Variants in GLT8D2 observed in about 807,000 individuals in gnomAD.
The protein encoded by GLT8D2 is glycosyltransferase 8 domain-containing protein 2.
In GLT8D2, 45 loss-of-function variants were observed where a neutral mutation model predicts 44.5. The ratio of observed to expected loss-of-function variants is 1.01; its 90% confidence interval spans 0.80 to 1.30. GLT8D2 has a LOEUF of 1.30. Ranked by LOEUF, GLT8D2 falls within the 50% of genes most tolerant of loss-of-function variation. GLT8D2 has a pLI of 0.00. For synonymous variants in GLT8D2, 156 were observed against 157.2 expected, an observed-to-expected ratio of 0.99 and a Z score of 0.06; for missense variants, 400 against 430.4, an observed-to-expected ratio of 0.93 and a Z score of 0.62.
intron 1 of GLT8D2, chr12:104,031,100 T>G (rs2930855): frequency 0.65 from 451,582 of 699,854 alleles, 210,342 homozygotes; most frequent in East Asian, 1. Context: ...TGCAAAGCAT[T>G]GTGAGGCCCA....
At chr12:104,024,121 C>T (rs1566203832) in intron 1 of GLT8D2, among the ~76,000 whole-genome samples, 1 of 152,162 alleles carries the variant, frequency 6.6e-6, no homozygotes, top group Non-Finnish European at 1.5e-5. Flanking sequence ...GTGGCTCATG[C>T]CTATAATCCC....
At chr12:104,028,881 T>C (rs1265112778) in intron 1 of GLT8D2, among the ~76,000 whole-genome samples, 4 of 151,940 alleles carry the variant, frequency 2.6e-5, no homozygotes, top group African/African-American at 9.7e-5. Flanking sequence ...ATCCAAATCA[T>C]GGATCATTCT....
At chr12:104,017,094 G>T (rs1876976395) in intron 3 of GLT8D2, among the ~76,000 whole-genome samples, 2 of 152,108 alleles carry the variant, frequency 1.3e-5, no homozygotes, top group Non-Finnish European at 2.9e-5. Flanking sequence ...GGAAGTTCAT[G>T]TTCATAGCAT....
Position 104,016,874 on chromosome 12 carries a change from GAAAGAAAGAAAAAT to G in GLT8D2, c.20-1783_20-1770del, listed in dbSNP as rs1566199943. ...AGAAAGAAAGAAAGAAAGAAAGAAA[GAAAGAAAGAAAAAT>G]AAAGAGAGAAAGAAAGAAAGGAAGA... On this transcript the variant is annotated intron_variant, in intron 3 of 10. Coordinates refer to ENST00000360814, the MANE Select transcript of GLT8D2 (RefSeq NM_001384711.1). 6.8e-3 allele frequency among the ~76,000 whole-genome samples: 999 copies of G among 147,254 alleles called. 13 individuals carry two copies. The highest frequency in any genetic ancestry group is 0.01 in the Middle Eastern group (3 of 286).
At chr12:104,054,128 A>G (rs7132831), upstream of GLT8D2, among the ~76,000 whole-genome samples, 39,913 of 151,886 alleles carry the variant, frequency 0.26, 6,325 homozygotes, top group Non-Finnish European at 0.34. Context: ...TGCTCATCTG[A>G]TAACTGAAAG....
intron 1 of GLT8D2, among the ~76,000 whole-genome samples, chr12:104,058,798 G>C (rs1882393235): frequency 6.6e-6 from 1 of 152,190 alleles, no homozygotes. Flanking sequence ...TGCCTAAAAA[G>C]TCTAGAGCAG....
rs1349803810 is a variant in GLT8D2, at chr12:103,993,523, A to G, written c.768-19T>C. On this transcript the variant is annotated intron_variant, in intron 9 of 10. Coordinates refer to ENST00000360814, the MANE Select transcript of GLT8D2 (RefSeq NM_001384711.1). ...GTTTTCCCTAAGAAATGAAATAGAA[A>G]AACAACATTTGGCCTGGAGCCCCCA... 1 of 1,521,666 alleles carries G rather than the reference A, an allele frequency of 6.6e-7. No homozygotes were observed. Among genetic ancestry groups the G allele is most frequent in the Non-Finnish European group, 8.9e-7 (1 of 1,128,082 alleles). 94.3% of individuals were successfully genotyped at this position (1,521,666 alleles called of 1,614,324 possible). A position where few individuals can be genotyped will look rare whatever the true frequency, so the allele number is the denominator to read the frequency against.
chr12:104,063,875 C>A (rs1199361336), intron 1 of GLT8D2: 1 of 152,350 alleles, frequency 6.6e-6, no homozygotes, highest in Non-Finnish European at 1.5e-5. Context: ...ACAGCCCTCA[C>A]TTGTTAGCTA....
At chr12:104,023,922 A>G (rs1274262316) in intron 1 of GLT8D2, among the ~76,000 whole-genome samples, 1 of 152,170 alleles carries the variant, frequency 6.6e-6, no homozygotes, top group East Asian at 1.9e-4. Flanking sequence ...ACCACAGTTT[A>G]TCCATTCACC....
intron 1 of GLT8D2, among the ~76,000 whole-genome samples, chr12:104,044,468 G>C (rs1218059900): frequency 6.6e-6 from 1 of 152,236 alleles, no homozygotes; most frequent in Non-Finnish European, 1.5e-5. Flanking sequence ...CCAAAGGGAT[G>C]AATGTGCAAC....
intron 4 of GLT8D2, among the ~76,000 whole-genome samples, chr12:104,006,382 GATAA>G (rs966036739): frequency 2.6e-5 from 4 of 151,962 alleles, no homozygotes; most frequent in Admixed American, 6.6e-5. Flanking sequence ...ATAATAAATA[GATAA>G]ATAAATAAAT....
At chr12:104,029,006 C>T (rs542500668) in intron 1 of GLT8D2, among the ~76,000 whole-genome samples, 1 of 151,926 alleles carries the variant, frequency 6.6e-6, no homozygotes, top group Admixed American at 6.6e-5. Flanking sequence ...AAAGTGTGAA[C>T]CTTGGCTGGG....
At chr12:103,990,071 G>C (rs894017881) in intron 10 of GLT8D2, among the ~76,000 whole-genome samples, 3 of 133,848 alleles carry the variant, frequency 2.2e-5, no homozygotes, top group Admixed American at 8.0e-5. Flanking sequence ...TCTAGTGTAT[G>C]TGTACAAATA....
At chr12:104,064,361 C>A, upstream of GLT8D2, 1 of 466,632 alleles carries the variant, frequency 2.1e-6, no homozygotes, top group Non-Finnish European at 3.6e-6. The surrounding 1 kb of genome is among the most constrained non-coding windows in gnomAD (Gnocchi z 7.3). Flanking sequence ...GGCCAAGTCG[C>A]CTGGGGTGGG....
rs4015358 is a variant in GLT8D2 at position 104,031,589 on chromosome 12, A to G, written c.-163-10098T>C. ...GTCCCCAGGAGCACCCTCCCTGCCCATCTTGTCCCTCTGCCCCTCCCACCT... is the reference window on the plus strand; with the variant it reads ...GTCCCCAGGAGCACCCTCCCTGCCCGTCTTGTCCCTCTGCCCCTCCCACCT... On this transcript the variant is annotated intron_variant, in intron 1 of 10. Coordinates refer to ENST00000360814, the MANE Select transcript of GLT8D2 (RefSeq NM_001384711.1). 1.3e-5 allele frequency: 21 copies of G among 1,607,376 alleles called. No individual in the cohort carries two copies. In the African/African-American group the frequency reaches 1.3e-4, roughly 10 times the overall value.
intron 4 of GLT8D2, among the ~76,000 whole-genome samples, chr12:104,007,233 G>GCTCTCTCTCTCTCTCTCTCTCTCTCTCT (rs57109528): frequency 2.7e-4 from 18 of 66,354 alleles, no homozygotes; most frequent in South Asian, 1.9e-3. Context: ...TATACTTAAA[G>GCTCTCTCTCTCTCTCTCTCTCTCTCTCT]CTCTCTCTCT....
At chr12:104,000,564 G>C (rs561690562) in intron 5 of GLT8D2, among the ~76,000 whole-genome samples, 8 of 152,110 alleles carry the variant, frequency 5.3e-5, no homozygotes, top group Admixed American at 4.6e-4. Context: ...TATGTAAAAG[G>C]GGGCAGGGAG....
Position 104,030,847 on chromosome 12 carries a change from C to G in GLT8D2, c.-163-9356G>C, listed in dbSNP as rs375062071. 2.5e-6 allele frequency: 4 copies of G among 1,583,594 alleles called. No homozygotes were observed. The Admixed American group carries it at 6.8e-5, about 27-fold the overall frequency. On this transcript the variant is annotated intron_variant, in intron 1 of 10. Coordinates refer to ENST00000360814, the MANE Select transcript of GLT8D2 (RefSeq NM_001384711.1). ...CATGGAACCTGGAGAACCGCTTCAG[C>G]GGCTGGTACGACGCCGACCTGAGCC...
At chr12:104,039,279 G>C (rs1412598667) in intron 1 of GLT8D2, among the ~76,000 whole-genome samples, 1 of 152,132 alleles carries the variant, frequency 6.6e-6, no homozygotes, top group Admixed American at 6.5e-5. Flanking sequence ...GGCAACAAAA[G>C]CCAAAATACA....
Sources: gnomAD v4.1 joint callset for allele counts (sites outside exome capture counted in the v4.1 genomes callset) on GRCh38, gnomAD v4.1.1 for gene constraint, Gnocchi (gnomAD v3.1) non-coding constraint, MANE v1.5 for transcripts, NCBI Gene and HGNC (gene_info 2026-07-23, HGNC 2026-07-21) for gene names.